CDH13: variants seen among roughly 807,000 people sequenced by gnomAD.
The protein encoded by CDH13 is cadherin 13, also known as cadherin-13.
Under a neutral mutation model 63.8 loss-of-function variants are expected in CDH13, and 24 were observed. The ratio of observed to expected loss-of-function variants is 0.38; its 90% confidence interval spans 0.27 to 0.53. The LOEUF is 0.53. Ranked by LOEUF, CDH13 falls within the 20% of genes least tolerant of loss-of-function variation. The pLI, the probability that CDH13 is intolerant of heterozygous loss-of-function variation, is 0.85. For missense variants in CDH13, 1,049 were observed against 903.1 expected (o/e 1.16, Z -2.07); for synonymous variants, 503 against 355.3 (o/e 1.42, Z -4.67).
At chr16:83,444,685 G>A (rs1292384045) in intron 6 of CDH13, among the ~76,000 whole-genome samples, 1 of 152,198 alleles carries the variant, frequency 6.6e-6, no homozygotes, top group Non-Finnish European at 1.5e-5. Context: ...TGGCGAGCTG[G>A]AGTATAATGT....
intron 5 of CDH13, among the ~76,000 whole-genome samples, chr16:83,252,695 G>C (rs750868117): frequency 6.6e-6 from 1 of 152,062 alleles, no homozygotes; most frequent in African/African-American, 2.4e-5. Flanking sequence ...GAAGACACTT[G>C]GTGGAGATGT....
At chr16:83,344,312 C>G (rs565344580) in intron 5 of CDH13, among the ~76,000 whole-genome samples, 1 of 152,084 alleles carries the variant, frequency 6.6e-6, no homozygotes, top group South Asian at 2.1e-4. Flanking sequence ...TGAAATCCTC[C>G]GAAATTGTAA....
intron 11 of CDH13, among the ~76,000 whole-genome samples, chr16:83,750,999 A>C (rs1231218977): frequency 6.6e-6 from 1 of 150,804 alleles, no homozygotes; most frequent in African/African-American, 2.4e-5. Context: ...AAACAGGTAA[A>C]GCATTCTAGT....
chr16:82,740,348 C>T (rs2033872748), intron 1 of CDH13, among the ~76,000 whole-genome samples: 1 of 152,168 alleles, frequency 6.6e-6, no homozygotes, highest in East Asian at 1.9e-4. Context: ...TACATTTAAT[C>T]ATCACAAACT....
intron 5 of CDH13, among the ~76,000 whole-genome samples, chr16:83,341,272 G>A (rs780156665): frequency 7.9e-5 from 12 of 152,186 alleles, no homozygotes; most frequent in East Asian, 3.9e-4. Flanking sequence ...AAGAAGGCAG[G>A]CAAGAACGTT....
At chr16:83,646,712 A>AAAAAAAAAAAAAAAAC (rs1168012793) in intron 8 of CDH13, among the ~76,000 whole-genome samples, 1 of 80,490 alleles carries the variant, frequency 1.2e-5, no homozygotes, top group African/African-American at 4.5e-5. Context: ...AAAAAAAAAA[A>AAAAAAAAAAAAAAAAC]ACACACACAC....
chr16:83,076,271 C>G (rs2032828746), intron 3 of CDH13, among the ~76,000 whole-genome samples: 1 of 152,124 alleles, frequency 6.6e-6, no homozygotes, highest in Non-Finnish European at 1.5e-5. Flanking sequence ...CCCAAATGTT[C>G]CATGTAAAAC....
intron 4 of CDH13, among the ~76,000 whole-genome samples, chr16:83,133,663 C>T (rs991383720): frequency 6.6e-5 from 10 of 151,986 alleles, no homozygotes; most frequent in Non-Finnish European, 1.5e-4. Flanking sequence ...CATGCCTGGC[C>T]AACTTTTGTA....
chr16:83,588,091 G>A (rs1179291501), intron 7 of CDH13, among the ~76,000 whole-genome samples: 1 of 152,222 alleles, frequency 6.6e-6, no homozygotes, highest in African/African-American at 2.4e-5. Flanking sequence ...GGACCAGCCA[G>A]TGGGGCATCT....
At chr16:82,903,618 G>T (rs1348518144) in intron 2 of CDH13, among the ~76,000 whole-genome samples, 1 of 152,144 alleles carries the variant, frequency 6.6e-6, no homozygotes, top group Non-Finnish European at 1.5e-5. Context: ...ACTGGAAAAT[G>T]CTTCTCACAG....
intron 3 of CDH13, among the ~76,000 whole-genome samples, chr16:83,105,719 A>G (rs9941339): frequency 0.57 from 86,824 of 152,074 alleles, 25,103 homozygotes; most frequent in Middle Eastern, 0.69. Flanking sequence ...GAAACCAGAA[A>G]TTGATAGAAA....
intron 1 of CDH13, among the ~76,000 whole-genome samples, chr16:82,681,125 G>A (rs1914496713): frequency 6.6e-6 from 1 of 152,176 alleles, no homozygotes; most frequent in South Asian, 2.1e-4. Context: ...GGAAGACTCT[G>A]GTGTCTGAAA....
chr16:83,177,506 A>C (rs766538447), intron 4 of CDH13, among the ~76,000 whole-genome samples: 21 of 152,234 alleles, frequency 1.4e-4, no homozygotes, highest in Non-Finnish European at 2.9e-4. Flanking sequence ...GAGATCTTGT[A>C]AGTTGGAGAT....
chr16:82,943,015 G>T (rs1158299369), intron 2 of CDH13, among the ~76,000 whole-genome samples: 1 of 152,182 alleles, frequency 6.6e-6, no homozygotes, highest in Admixed American at 6.5e-5. Flanking sequence ...TGAGCTAATT[G>T]ATTCCCATTT....
intron 10 of CDH13, 74 bp from the exon 11 acceptor site, chr16:83,748,034 A>G: frequency 1.3e-6 from 2 of 1,525,804 alleles, no homozygotes; most frequent in Admixed American, 1.7e-5. Flanking sequence ...CTAGGAGCTC[A>G]TGCCCTGCAC....
intron 7 of CDH13, among the ~76,000 whole-genome samples, chr16:83,574,961 A>G (rs1904972448): frequency 6.6e-6 from 1 of 152,224 alleles, no homozygotes; most frequent in South Asian, 2.1e-4. Context: ...TAATAGCAAC[A>G]TTACGATAAT....
chr16:83,653,165 G>T (rs771615787), intron 8 of CDH13, among the ~76,000 whole-genome samples: 2 of 152,180 alleles, frequency 1.3e-5, no homozygotes, highest in Admixed American at 1.3e-4. Flanking sequence ...AGAATGGGGA[G>T]TGGCTGCTCC....
At chr16:83,326,847 G>C (rs1335910546) in intron 5 of CDH13, among the ~76,000 whole-genome samples, 1 of 152,192 alleles carries the variant, frequency 6.6e-6, no homozygotes, top group Non-Finnish European at 1.5e-5. Context: ...TGCCCTGTCT[G>C]TACTCCTAAG....
chr16:82,909,089 G>A (rs962553685), intron 2 of CDH13, among the ~76,000 whole-genome samples: 10 of 152,140 alleles, frequency 6.6e-5, no homozygotes, highest in African/African-American at 2.4e-4. Flanking sequence ...CTTATGATAT[G>A]TAATACAATG....
Sources: allele counts gnomAD v4.1 joint callset (sites outside exome capture counted in the v4.1 genomes callset), GRCh38; gene constraint gnomAD v4.1.1; transcripts MANE v1.5; gene names NCBI Gene and HGNC (gene_info 2026-07-23, HGNC 2026-07-21).